RANBP2: variants seen among roughly 807,000 people sequenced by gnomAD.
RANBP2 encodes E3 SUMO-protein ligase RanBP2.
RANBP2 carries 57 observed loss-of-function variants against 303.6 expected under a neutral mutation model. The observed-to-expected ratio is 0.19, with a 90% CI of 0.15 to 0.23. RANBP2 has a LOEUF of 0.23. Among genes scored for constraint, RANBP2 ranks in the 10% least tolerant of loss-of-function variants. The probability of loss-of-function intolerance (pLI) is 1.00; values close to 1 mark genes in which losing one functional copy is unlikely to be tolerated. For synonymous variants in RANBP2, 1,167 were observed against 1,301.5 expected (o/e 0.90, Z 2.23); for missense variants, 3,138 against 3,780.8 (o/e 0.83, Z 4.46).
At chr2:109,514,825 C>A in the RANBP2 span, among the ~76,000 whole-genome samples, 1 of 152,170 alleles carries the variant, frequency 6.6e-6, no homozygotes, top group Non-Finnish European at 1.5e-5. Context: ...GGCTGCCCCC[C>A]AGGCCCTGGG....
chr2:109,548,686 G>A, the RANBP2 span, among the ~76,000 whole-genome samples: 1 of 142,086 alleles, frequency 7.0e-6, no homozygotes, highest in African/African-American at 2.6e-5. Context: ...TGAGACAGGA[G>A]AATTGCCTGA....
chr2:109,366,333 ATG>A, the RANBP2 span, among the ~76,000 whole-genome samples: 1 of 152,334 alleles, frequency 6.6e-6, no homozygotes, highest in South Asian at 2.1e-4. Flanking sequence ...ATATAATGGA[ATG>A]TCTCTGTGTA....
At chr2:109,058,704 A>T in the RANBP2 span, among the ~76,000 whole-genome samples, 1 of 152,350 alleles carries the variant, frequency 6.6e-6, no homozygotes, top group South Asian at 2.1e-4. Flanking sequence ...TAGACTGGGA[A>T]TTATGATAAA....
intron 7 of RANBP2, among the ~76,000 whole-genome samples, chr2:108,741,678 T>C (rs530551139): frequency 6.6e-6 from 1 of 150,506 alleles, no homozygotes; most frequent in East Asian, 2.0e-4. Context: ...GCTAATTTTT[T>C]TTTTGTACTT....
the RANBP2 span, among the ~76,000 whole-genome samples, chr2:108,814,747 G>T: frequency 6.7e-6 from 1 of 150,306 alleles, no homozygotes; most frequent in Admixed American, 6.6e-5. Flanking sequence ...TTGCCTTCTG[G>T]GTTCAAGCCT....
the RANBP2 span, among the ~76,000 whole-genome samples, chr2:109,484,572 C>T: frequency 6.6e-6 from 1 of 152,212 alleles, no homozygotes; most frequent in Non-Finnish European, 1.5e-5. Context: ...ACCTCCTGCC[C>T]TATCAGCTAA....
chr2:108,907,780 A>G, the RANBP2 span: 1 of 1,545,238 alleles, frequency 6.5e-7, no homozygotes. Flanking sequence ...AGGAGAGCTG[A>G]TTCAATAAGA....
the RANBP2 span, among the ~76,000 whole-genome samples, chr2:109,252,344 T>A: frequency 3.3e-5 from 5 of 152,252 alleles, no homozygotes; most frequent in Admixed American, 6.5e-5. Context: ...AAGCCGGGTT[T>A]ATTTTTAGAG....
At chr2:109,458,314 A>G in the RANBP2 span, among the ~76,000 whole-genome samples, 9 of 152,218 alleles carry the variant, frequency 5.9e-5, no homozygotes, top group African/African-American at 2.2e-4. Flanking sequence ...CAATAGGTCA[A>G]CTTCATGAAA....
chr2:109,533,531 G>C, the RANBP2 span, among the ~76,000 whole-genome samples: 1 of 152,150 alleles, frequency 6.6e-6, no homozygotes, highest in Admixed American at 6.5e-5. Flanking sequence ...AGGAGGCTGC[G>C]GATGGGTAAA....
chr2:109,403,248 G>A, the RANBP2 span, among the ~76,000 whole-genome samples: 73 of 152,296 alleles, frequency 4.8e-4, 1 homozygote, highest in African/African-American at 1.7e-3. Context: ...CCTCCTCCCC[G>A]CAGCTGTTAG....
chr2:109,664,708 C>T, the RANBP2 span, among the ~76,000 whole-genome samples: 1 of 151,852 alleles, frequency 6.6e-6, no homozygotes, highest in Non-Finnish European at 1.5e-5. Context: ...GGCAGGTGGA[C>T]CACCTTAGGT....
the RANBP2 span, chr2:108,910,999 G>A: frequency 3.2e-5 from 52 of 1,614,074 alleles, no homozygotes; most frequent in Non-Finnish European, 5.1e-6. Flanking sequence ...TGAGGACGAT[G>A]GCGATGGCCA....
chr2:108,807,970 C>G, the RANBP2 span, among the ~76,000 whole-genome samples: 1 of 152,210 alleles, frequency 6.6e-6, no homozygotes, highest in Non-Finnish European at 1.5e-5. Context: ...TTCCTTTCCA[C>G]AGCCATCCCA....
chr2:109,193,584 A>G, the RANBP2 span, among the ~76,000 whole-genome samples: 1 of 151,934 alleles, frequency 6.6e-6, no homozygotes, highest in South Asian at 2.1e-4. Flanking sequence ...TGTGCCATTC[A>G]TTTTTTTAAT....
At chr2:109,613,822 G>A in the RANBP2 span, 4 of 1,236,830 alleles carry the variant, frequency 3.2e-6, no homozygotes, top group Admixed American at 8.4e-5. Context: ...CCTCGGAGGA[G>A]GCCATGGTCG....
chr2:109,178,949 C>T, the RANBP2 span, among the ~76,000 whole-genome samples: 39 of 147,142 alleles, frequency 2.7e-4, no homozygotes, highest in African/African-American at 7.5e-4. Flanking sequence ...ATTAACTTTT[C>T]GTGTTTGTGT....
chr2:109,084,195 T>G, the RANBP2 span, among the ~76,000 whole-genome samples: 1 of 152,166 alleles, frequency 6.6e-6, no homozygotes, highest in Non-Finnish European at 1.5e-5. Context: ...ATTCAAGATC[T>G]CCAACAGAAA....
chr2:109,326,410 T>G, the RANBP2 span, among the ~76,000 whole-genome samples: 1 of 152,238 alleles, frequency 6.6e-6, no homozygotes, highest in African/African-American at 2.4e-5. Context: ...GAGAATACTA[T>G]GTTCTTTGGA....
Sources: allele counts gnomAD v4.1 joint callset (sites outside exome capture counted in the v4.1 genomes callset), GRCh38; gene constraint gnomAD v4.1.1; transcripts MANE v1.5; gene names NCBI Gene and HGNC (gene_info 2026-07-23, HGNC 2026-07-21).